The following GALNTL6 variants were observed in gnomAD, a reference collection of about 807,000 sequenced individuals.
GALNTL6 encodes the protein polypeptide N-acetylgalactosaminyltransferase like 6, also known as polypeptide N-acetylgalactosaminyltransferase-like 6.
GALNTL6 carries 46 observed loss-of-function variants against 73.7 expected under a neutral mutation model. The ratio of observed to expected loss-of-function variants is 0.62; its 90% CI spans 0.49 to 0.80. GALNTL6 has a LOEUF of 0.80. Among genes scored for constraint, GALNTL6 ranks in the 30% least tolerant of loss-of-function variants. The probability of loss-of-function intolerance (pLI) is 0.00; values close to 1 mark genes in which losing one functional copy is unlikely to be tolerated. For synonymous variants in GALNTL6, 259 were observed against 263.7 expected (o/e 0.98, Z 0.17); for missense variants, 604 against 755.0 (o/e 0.80, Z 2.34).
chr4:172,405,568 GT>G (rs1744212034), intron 5 of GALNTL6, among the ~76,000 whole-genome samples: 1 of 150,732 alleles, frequency 6.6e-6, no homozygotes, highest in Admixed American at 6.7e-5. Flanking sequence ...ACATCCTAAT[GT>G]CTAGGGTTTT....
intron 10 of GALNTL6, among the ~76,000 whole-genome samples, chr4:172,984,487 A>G (rs975587036): frequency 2.0e-5 from 3 of 152,200 alleles, no homozygotes; most frequent in African/African-American, 7.2e-5. Flanking sequence ...ATTCAAGGTG[A>G]TATTTTGGGG....
At chr4:171,877,535 C>A (rs1179578646) in intron 2 of GALNTL6, among the ~76,000 whole-genome samples, 2 of 152,070 alleles carry the variant, frequency 1.3e-5, no homozygotes, top group Non-Finnish European at 2.9e-5. Context: ...CCAGCCTCAG[C>A]ATTGTGGTAC....
At chr4:172,722,581 A>G (rs1735544999) in intron 5 of GALNTL6, among the ~76,000 whole-genome samples, 1 of 152,166 alleles carries the variant, frequency 6.6e-6, no homozygotes, top group African/African-American at 2.4e-5. Flanking sequence ...ATGTGAATAT[A>G]CACAGTAAAA....
At chr4:172,177,492 C>G (rs1735035745) in intron 2 of GALNTL6, among the ~76,000 whole-genome samples, 1 of 151,996 alleles carries the variant, frequency 6.6e-6, no homozygotes, top group Non-Finnish European at 1.5e-5. Flanking sequence ...ACAGCTGTTT[C>G]TGTCTCTTCT....
chr4:172,993,206 G>A (rs1270831291), intron 10 of GALNTL6, among the ~76,000 whole-genome samples: 1 of 152,176 alleles, frequency 6.6e-6, no homozygotes, highest in African/African-American at 2.4e-5. Context: ...AATCTAATAG[G>A]ACTGGTGTCC....
chr4:172,002,262 G>A (rs190210793), intron 2 of GALNTL6, among the ~76,000 whole-genome samples: 3 of 152,264 alleles, frequency 2.0e-5, no homozygotes, highest in East Asian at 3.9e-4. Context: ...TTTATGTGAA[G>A]TTTTTGGGAG....
At chr4:172,755,402 T>A (rs1364825458) in intron 5 of GALNTL6, among the ~76,000 whole-genome samples, 1 of 151,908 alleles carries the variant, frequency 6.6e-6, no homozygotes, top group African/African-American at 2.4e-5. Context: ...ATGACTGTGG[T>A]TTTTAGAAGA....
chr4:172,727,773 CTT>C (rs1332574096), intron 5 of GALNTL6, among the ~76,000 whole-genome samples: 1 of 150,446 alleles, frequency 6.6e-6, no homozygotes, highest in Non-Finnish European at 1.5e-5. Context: ...TAAGAAAACT[CTT>C]AATTCTAGCA....
chr4:172,664,605 T>A (rs1731561943), intron 5 of GALNTL6, among the ~76,000 whole-genome samples: 1 of 152,196 alleles, frequency 6.6e-6, no homozygotes, highest in Non-Finnish European at 1.5e-5. Context: ...GAGTCAAAGA[T>A]TTTAACAATA....
At chr4:172,597,284 C>A (rs541791719) in intron 5 of GALNTL6, among the ~76,000 whole-genome samples, 1 of 152,220 alleles carries the variant, frequency 6.6e-6, no homozygotes, top group Admixed American at 6.5e-5. Flanking sequence ...AACATGATTA[C>A]TTTTCATTTG....
At chr4:172,093,983 C>A (rs556305405) in intron 2 of GALNTL6, among the ~76,000 whole-genome samples, 1 of 152,300 alleles carries the variant, frequency 6.6e-6, no homozygotes, top group South Asian at 2.1e-4. Flanking sequence ...CCACTTGAAT[C>A]ATCTCCACTG....
At chr4:172,399,651 C>T (rs1251766481) in intron 5 of GALNTL6, among the ~76,000 whole-genome samples, 1 of 152,052 alleles carries the variant, frequency 6.6e-6, no homozygotes, top group Non-Finnish European at 1.5e-5. Context: ...TCCTACTTCA[C>T]ATGGCAGGAG....
chr4:172,557,923 C>T (rs1736206896), intron 5 of GALNTL6, among the ~76,000 whole-genome samples: 1 of 151,864 alleles, frequency 6.6e-6, no homozygotes, highest in Non-Finnish European at 1.5e-5. Context: ...AAAACATATT[C>T]ACATCAAAAA....
chr4:172,748,143 A>T (rs1456906801), intron 5 of GALNTL6, among the ~76,000 whole-genome samples: 1 of 152,246 alleles, frequency 6.6e-6, no homozygotes, highest in East Asian at 1.9e-4. Flanking sequence ...TGAACTATAT[A>T]TACATTTAAG....
intron 5 of GALNTL6, among the ~76,000 whole-genome samples, chr4:172,408,557 A>G (rs1169047318): frequency 1.3e-5 from 2 of 151,904 alleles, no homozygotes; most frequent in Non-Finnish European, 2.9e-5. Flanking sequence ...AATAGAAGCA[A>G]CTCTACACAT....
At chr4:171,949,356 A>G (rs1738798583) in intron 2 of GALNTL6, among the ~76,000 whole-genome samples, 1 of 152,164 alleles carries the variant, frequency 6.6e-6, no homozygotes, top group African/African-American at 2.4e-5. Flanking sequence ...AGAAATTTAT[A>G]TTTGTGTTCT....
chr4:172,339,549 G>A (rs958385893), intron 4 of GALNTL6, among the ~76,000 whole-genome samples: 3 of 152,120 alleles, frequency 2.0e-5, no homozygotes, highest in African/African-American at 7.2e-5. Context: ...ACACTGTTGG[G>A]TTGCCGAAGA....
rs765904258 is a variant in GALNTL6, at chr4:172,528,952, CAT to C, written c.553+180274_553+180275del. Among the ~76,000 whole-genome samples the C allele has an allele frequency of 6.0e-4, 14 of 23,342 alleles. 2 individuals carry two copies. Among genetic ancestry groups the C allele is most frequent in the Non-Finnish European group, 1.9e-3 (14 of 7,190 alleles). The allele number at this position is 23,342 out of a possible 152,430, so 15.3% of individuals were successfully genotyped here. A position where few individuals can be genotyped will look rare whatever the true frequency, so the allele number is the denominator to read the frequency against. On this transcript the variant is annotated intron_variant, in intron 5 of 12. Coordinates refer to ENST00000506823, the MANE Select transcript of GALNTL6 (RefSeq NM_001034845.3). ...TTCAGAGACTTTGTTTTCCCAAAGG[CAT>C]ATATATATATGTGTGTGTATATTTA...
At chr4:172,597,485 G>T (rs935544626) in intron 5 of GALNTL6, among the ~76,000 whole-genome samples, 3 of 152,114 alleles carry the variant, frequency 2.0e-5, no homozygotes, top group African/African-American at 4.8e-5. Context: ...TTAAATAATA[G>T]TTATTTTTGC....
Sources: gnomAD v4.1 joint callset for allele counts (sites outside exome capture counted in the v4.1 genomes callset) on GRCh38, gnomAD v4.1.1 for gene constraint, MANE v1.5 for transcripts, NCBI Gene and HGNC (gene_info 2026-07-23, HGNC 2026-07-21) for gene names.